Variants in METTL16 observed in about 807,000 individuals in gnomAD.
METTL16 encodes RNA N(6)-adenosine-methyltransferase METTL16.
Under a neutral mutation model 57.9 loss-of-function variants are expected in METTL16, and 19 were observed. That is an observed-to-expected ratio of 0.33 (90% CI 0.23 to 0.48). METTL16 has a LOEUF of 0.48. METTL16 is among the 20% of genes least tolerant of loss of function. The pLI is 0.99. For missense variants in METTL16, 434 were observed against 691.5 expected (o/e 0.63, Z 4.18); for synonymous variants, 246 against 255.6 (o/e 0.96, Z 0.36).
At chr17:2,455,085 T>C in intron 6 of METTL16, 1 of 189,696 alleles carries the variant, frequency 5.3e-6, no homozygotes. Flanking sequence ...TATGCCCAGG[T>C]ACTTTTTTTT....
At position 2,416,714 on chromosome 17, in the gene METTL16, A is replaced by G. The variant is rs1222310934; in HGVS notation, c.*3256T>C. 1.3e-5 allele frequency: 2 copies of G among 152,178 alleles called. No individual in the cohort carries two copies. The highest frequency in any genetic ancestry group is 1.3e-4 in the Admixed American group (2 of 15,262). The allele number at this position is 152,178 out of a possible 1,614,324, so 9.4% of individuals were successfully genotyped here. A position where few individuals can be genotyped will look rare whatever the true frequency, so the allele number is the denominator to read the frequency against. On this transcript the variant is annotated 3_prime_UTR_variant, in exon 10 of 10. Transcript: ENST00000263092. ...AAGCCGATTCTAGGGACCAGAAGAG[A>G]ATGTAGGGTCACATCACCAAGATTT...
chr17:2,455,587 ACC>A (rs2067104182), intron 6 of METTL16, among the ~76,000 whole-genome samples: 1 of 152,180 alleles, frequency 6.6e-6, no homozygotes, highest in African/African-American at 2.4e-5. Context: ...CAGAGCAGAC[ACC>A]AATCAACAAG....
At chr17:2,478,039 G>A (rs1036214700) in intron 2 of METTL16, among the ~76,000 whole-genome samples, 154 bp from the exon 3 acceptor site, 16 of 152,136 alleles carry the variant, frequency 1.1e-4, no homozygotes, top group Non-Finnish European at 1.8e-4. Flanking sequence ...GCACATACAC[G>A]AGTGTTTCAC....
In METTL16 at chr17:2,447,576, T is replaced by TG. The variant is rs1319573087; in HGVS notation, c.729-6018dup. Among the ~76,000 whole-genome samples, 67 of 69,514 alleles carry TG rather than the reference T, an allele frequency of 9.6e-4. 5 individuals carry two copies. The highest frequency in any genetic ancestry group is 6.3e-3 in the African/African-American group (55 of 8,768). 45.6% of individuals were successfully genotyped at this position (69,514 alleles called of 152,430 possible). A position where few individuals can be genotyped will look rare whatever the true frequency, so the allele number is the denominator to read the frequency against. ...CCAGTCGCCCCGTCCAGGAGGGAGG[T>TG]GGGGGGGGTCAGCCCCCCGCCCGGC... is the stretch of plus-strand genomic sequence containing the variant. On this transcript the variant is annotated intron_variant, in intron 6 of 9. Coordinates refer to ENST00000263092, the MANE Select transcript of METTL16 (RefSeq NM_024086.4).
Position 2,477,935 on chromosome 17 carries a change from T to C in METTL16, c.129-50A>G, listed in dbSNP as rs776236789. On this transcript the variant is annotated intron_variant, in intron 2 of 9. Transcript: ENST00000263092. ...AAACTGATTAGTAAGATTCACTATG[T>C]TGTACAAGCTCTACGGCAAACAGGC... 5.3e-6 allele frequency: 8 copies of C among 1,504,360 alleles called. No homozygotes were observed. The South Asian group carries it at 5.7e-5, about 11-fold the overall frequency. The allele number at this position is 1,504,360 out of a possible 1,614,324, so 93.2% of individuals were successfully genotyped here. A position where few individuals can be genotyped will look rare whatever the true frequency, so the allele number is the denominator to read the frequency against.
In METTL16 at chr17:2,502,421, A is replaced by G. The variant is rs375630972; in HGVS notation, c.1-90T>C. ...TGCGGTGCCTCATGCCTCTAATCCC[A>G]GTACTTTGGGAGGCCAAGGTAAGTA... On this transcript the variant is annotated intron_variant, in intron 1 of 9. Transcript: ENST00000263092. 7.5e-4 allele frequency: 981 copies of G among 1,315,468 alleles called. 14 individuals carry two copies. In the East Asian group the frequency reaches 0.018, roughly 24 times the overall value. The allele number at this position is 1,315,468 out of a possible 1,614,324, so 81.5% of individuals were successfully genotyped here.
chr17:2,507,879 G>C (rs2067558455), intron 1 of METTL16, among the ~76,000 whole-genome samples: 1 of 152,190 alleles, frequency 6.6e-6, no homozygotes, highest in Admixed American at 6.5e-5. Flanking sequence ...GGGTTGAATG[G>C]ATGAAGGGTG....
rs558106589 is a variant in METTL16, at chr17:2,419,659, C to T, written c.*311G>A. ...CAGACTCCACAAACAACCCTTCTGACCTTGCAGAGGCAGTCCAGAGCTGAG... is the reference window on the plus strand; with the variant it reads ...CAGACTCCACAAACAACCCTTCTGATCTTGCAGAGGCAGTCCAGAGCTGAG... On this transcript the variant is annotated 3_prime_UTR_variant, in exon 10 of 10. Coordinates refer to ENST00000263092, the MANE Select transcript of METTL16 (RefSeq NM_024086.4). 4 of 555,564 alleles carry T rather than the reference C, an allele frequency of 7.2e-6. No individual in the cohort carries two copies. Among genetic ancestry groups the T allele is most frequent in the South Asian group, 6.1e-5 (4 of 65,452 alleles). The allele number at this position is 555,564 out of a possible 1,614,324, so 34.4% of individuals were successfully genotyped here.
rs2066721359 is a variant in METTL16 at position 2,416,970 on chromosome 17, G to C, written c.*3000C>G. 1 of 146,424 alleles carries C rather than the reference G, an allele frequency of 6.8e-6. No individual in the cohort carries two copies. The highest frequency in any genetic ancestry group is 7.0e-5 in the Admixed American group (1 of 14,304). The allele number at this position is 146,424 out of a possible 1,614,324, so 9.1% of individuals were successfully genotyped here. On this transcript the variant is annotated 3_prime_UTR_variant, in exon 10 of 10. Transcript: ENST00000263092. ...AATGTTCTCTCACTAGGTAGCCTAAGAAAATCTTCTCAGGGAAGGAAATGG... is the reference window on the plus strand; with the variant it reads ...AATGTTCTCTCACTAGGTAGCCTAACAAAATCTTCTCAGGGAAGGAAATGG...
intron 2 of METTL16, among the ~76,000 whole-genome samples, chr17:2,487,993 A>G (rs1221606697): frequency 6.6e-6 from 1 of 152,076 alleles, no homozygotes; most frequent in Non-Finnish European, 1.5e-5. Flanking sequence ...CAACAGAGCA[A>G]GACCCAGTCT....
intron 8 of METTL16, among the ~76,000 whole-genome samples, chr17:2,421,559 C>T (rs959021761): frequency 6.6e-6 from 1 of 152,214 alleles, no homozygotes; most frequent in Admixed American, 6.5e-5. Context: ...ACTCCTCCAA[C>T]TGCTAAACGT....
chr17:2,431,456 C>G (rs572587948), intron 8 of METTL16, among the ~76,000 whole-genome samples: 1 of 152,158 alleles, frequency 6.6e-6, no homozygotes, highest in Admixed American at 6.6e-5. Flanking sequence ...GTTTGTGATA[C>G]GTGTGAATAC....
chr17:2,499,213 G>C (rs1446017573), intron 2 of METTL16, among the ~76,000 whole-genome samples: 1 of 150,638 alleles, frequency 6.6e-6, no homozygotes, highest in Non-Finnish European at 1.5e-5. Flanking sequence ...CATCTTTCTT[G>C]TTTTTTAAGG....
intron 7 of METTL16, among the ~76,000 whole-genome samples, chr17:2,438,928 C>G (rs945638813): frequency 1.3e-5 from 2 of 152,034 alleles, no homozygotes; most frequent in Admixed American, 6.5e-5. Context: ...ACAATTTACC[C>G]AAGAAATGGT....
intron 1 of METTL16, among the ~76,000 whole-genome samples, chr17:2,503,725 T>C (rs533348854): frequency 1.2e-4 from 18 of 151,964 alleles, no homozygotes; most frequent in South Asian, 2.1e-4. Context: ...ATCCATACAA[T>C]AAATATGGAT....
intron 2 of METTL16, among the ~76,000 whole-genome samples, chr17:2,484,718 T>C (rs2067329609): frequency 6.6e-6 from 1 of 152,164 alleles, no homozygotes; most frequent in Non-Finnish European, 1.5e-5. Context: ...GGTCTTGAAC[T>C]CCTGACCTCA....
In METTL16 at chr17:2,419,787, C is replaced by T. The variant is rs2066746207; in HGVS notation, c.*183G>A. On this transcript the variant is annotated 3_prime_UTR_variant, in exon 10 of 10. Coordinates refer to ENST00000263092, the MANE Select transcript of METTL16 (RefSeq NM_024086.4). Reference sequence around the variant, plus strand: ...CCTTGTAAATGACCACACTACGACTCCCTGTAACTCAAAAAGCGGGAAGGA... The same window carrying T: ...CCTTGTAAATGACCACACTACGACTTCCTGTAACTCAAAAAGCGGGAAGGA... The T allele has an allele frequency of 1.3e-6, 1 of 749,096 alleles. No individual in the cohort carries two copies. Among genetic ancestry groups the T allele is most frequent in the Non-Finnish European group, 2.3e-6 (1 of 433,458 alleles). The allele number at this position is 749,096 out of a possible 1,614,324, so 46.4% of individuals were successfully genotyped here.
In METTL16 at chr17:2,506,903, G is replaced by A. The variant is rs550789315; in HGVS notation, c.1-4572C>T. 1.6e-3 allele frequency among the ~76,000 whole-genome samples: 236 copies of A among 149,784 alleles called. 1 individual carries two copies. Among genetic ancestry groups the A allele is most frequent in the Non-Finnish European group, 2.3e-3 (157 of 67,542 alleles). ...GGGAGCGCCTCTGCCCTGCCGCCCC[G>A]TCTGGGATGTGAGGAGCATCTCTGC... On this transcript the variant is annotated intron_variant, in intron 1 of 9. Transcript: ENST00000263092.
At chr17:2,477,604 C>G in intron 3 of METTL16, 82 bp downstream of exon 3, 2 of 998,450 alleles carry the variant, frequency 2.0e-6, no homozygotes, top group Non-Finnish European at 3.1e-6. Flanking sequence ...CAACAAATAC[C>G]CAGTAGAAAA....
Sources: gnomAD v4.1 joint callset for allele counts (sites outside exome capture counted in the v4.1 genomes callset) on GRCh38, gnomAD v4.1.1 for gene constraint, MANE v1.5 for transcripts, NCBI Gene and HGNC (gene_info 2026-07-23, HGNC 2026-07-21) for gene names.